Variants in ZNF700 observed in about 807,000 individuals in gnomAD.
ZNF700 encodes the protein zinc finger protein 700.
ZNF700 carries 38 observed loss-of-function variants against 65.3 expected under a neutral mutation model. That is an observed-to-expected ratio of 0.58 (90% CI 0.45 to 0.76). The LOEUF is 0.76. ZNF700 is among the 30% of genes least tolerant of loss of function. The probability of loss-of-function intolerance (pLI) is 0.00; values close to 1 mark genes in which losing one functional copy is unlikely to be tolerated. For synonymous variants in ZNF700, 285 were observed against 290.4 expected (o/e 0.98, Z 0.19); for missense variants, 857 against 888.4 (o/e 0.96, Z 0.45).
chr19:11,937,433 C>T (rs143817624), intron 1 of ZNF700, among the ~76,000 whole-genome samples: 1 of 151,432 alleles, frequency 6.6e-6, no homozygotes. Flanking sequence ...CTGCCTTGGC[C>T]TCTGGTTTTG....
rs540222329 is a variant in ZNF700, at chr19:11,945,610, C to T, written c.64-1571C>T. ...TCTGTAGGTACGGGGGTTTGGTTGA[C>T]TGCCAGCCCTGGAGGGTTGTCTTCT... On this transcript the variant is annotated intron_variant, in intron 1 of 3. Coordinates refer to ENST00000254321, the MANE Select transcript of ZNF700 (RefSeq NM_144566.3). Among the ~76,000 whole-genome samples the T allele has an allele frequency of 4.3e-4, 65 of 152,274 alleles. 1 individual carries two copies. In the South Asian group the frequency reaches 0.013, roughly 31 times the overall value.
At position 11,931,481 on chromosome 19, in the gene ZNF700, GA is replaced by G. The variant is rs1038516502; in HGVS notation, c.63+6209del. Among the ~76,000 whole-genome samples the G allele has an allele frequency of 4.7e-5, 7 of 148,248 alleles. 1 individual carries two copies. The highest frequency in any genetic ancestry group is 1.0e-4 in the Non-Finnish European group (7 of 67,922). ...TATTGGGAGTAGGTTATTAATGTAT[GA>G]TTTTTTTGGATTGATGCAAATATTC... is the stretch of plus-strand genomic sequence containing the variant. On this transcript the variant is annotated intron_variant, in intron 1 of 3. Transcript: ENST00000254321.
chr19:11,927,892 T>TA (rs1175001710), intron 1 of ZNF700, among the ~76,000 whole-genome samples: 1 of 152,178 alleles, frequency 6.6e-6, no homozygotes, highest in Non-Finnish European at 1.5e-5. Context: ...AAATTGGTGT[T>TA]ACTCTGGCTC....
At chr19:11,934,426 G>T (rs1972758923) in intron 1 of ZNF700, among the ~76,000 whole-genome samples, 1 of 148,450 alleles carries the variant, frequency 6.7e-6, no homozygotes, top group Non-Finnish European at 1.5e-5. Context: ...AGTGTTCATT[G>T]TCATTGGCAT....
rs530970012 is a variant in ZNF700, at chr19:11,942,307, C to A, written c.64-4874C>A. On this transcript the variant is annotated intron_variant, in intron 1 of 3. Transcript: ENST00000254321. Reference sequence around the variant, plus strand: ...GTCATCAAAGATTACACTTTGGGAACAGGCATTTTCAAGGAAACACAGCCT... The same window carrying A: ...GTCATCAAAGATTACACTTTGGGAAAAGGCATTTTCAAGGAAACACAGCCT... Among the ~76,000 whole-genome samples the A allele has an allele frequency of 1.7e-3, 254 of 151,886 alleles. 3 individuals are homozygous for A. The highest frequency in any genetic ancestry group is 5.8e-3 in the African/African-American group (239 of 41,374).
In ZNF700 at chr19:11,938,235, AT is replaced by A. The variant is rs200212043; in HGVS notation, c.64-8937del. The stretch of plus-strand genomic sequence containing the variant: ...AGGTACACACCACCACACCTGGCTG[AT>A]TTTTTTTTAATATTATATTTTAAGT... On this transcript the variant is annotated intron_variant, in intron 1 of 3. Coordinates refer to ENST00000254321, the MANE Select transcript of ZNF700 (RefSeq NM_144566.3). Among the ~76,000 whole-genome samples the A allele has an allele frequency of 6.9e-4, 105 of 151,438 alleles. 1 individual carries two copies. The South Asian group carries it at 0.021, about 30-fold the overall frequency.
intron 1 of ZNF700, among the ~76,000 whole-genome samples, chr19:11,935,063 G>C (rs1972770736): frequency 6.9e-6 from 1 of 144,310 alleles, no homozygotes; most frequent in Non-Finnish European, 1.5e-5. Flanking sequence ...TATAGTCCCA[G>C]CTACTGGGAG....
chr19:11,930,392 T>C lies in ZNF700; in HGVS notation c.63+5119T>C, dbSNP rs1264374170. ...CCAGAATGCAGTTGTGGAACAAATA[T>C]ATGTGAGTTGACCACATGGAGGAAC... On this transcript the variant is annotated intron_variant, in intron 1 of 3. Coordinates refer to ENST00000254321, the MANE Select transcript of ZNF700 (RefSeq NM_144566.3). Among the ~76,000 whole-genome samples, 4 of 148,496 alleles carry C rather than the reference T, an allele frequency of 2.7e-5. 1 individual carries two copies. The highest frequency in any genetic ancestry group is 1.0e-4 in the African/African-American group (4 of 38,120).
Position 11,949,630 on chromosome 19 carries a change from T to C in ZNF700, c.1606T>C (p.Tyr536His), listed in dbSNP as rs767538907. 1.9e-6 allele frequency: 3 copies of C among 1,613,830 alleles called. No individual in the cohort carries two copies. Among genetic ancestry groups the C allele is most frequent in the Non-Finnish European group, 2.5e-6 (3 of 1,179,972 alleles). ...AAAAACTCACACTGGAGAGAAACCC[T>C]ATGAATGCAACCAATGTGGTAAAGC... Reference protein sequence around the residue: ...HEKTHTGEKPYECNQCGKAFR... With the variant: ...HEKTHTGEKPHECNQCGKAFR... The change falls in exon 4 of 4, where the codon TAT becomes CAT. Residue 536 changes from tyrosine to histidine, a missense_variant. Physicochemically the swap from Tyr to His is moderately conservative, Grantham distance 83 (BLOSUM62 2). Transcript: ENST00000254321.
intron 1 of ZNF700, chr19:11,946,964 G>A: frequency 1.1e-6 from 1 of 921,064 alleles, no homozygotes; most frequent in South Asian, 2.3e-5. Flanking sequence ...CTCCAGCCTG[G>A]GCAACAAGAG....
At chr19:11,926,169 GAC>G (rs1189438670) in intron 1 of ZNF700, among the ~76,000 whole-genome samples, 2 of 152,200 alleles carry the variant, frequency 1.3e-5, no homozygotes, top group Non-Finnish European at 2.9e-5. Context: ...TCTGAGGCGT[GAC>G]TTTACTTTTG....
At chr19:11,943,974 T>C (rs279257) in intron 1 of ZNF700, among the ~76,000 whole-genome samples, 26,163 of 151,890 alleles carry the variant, frequency 0.17, 4,784 homozygotes, top group African/African-American at 0.47. Flanking sequence ...AGGTTTTACA[T>C]GACTGTGGTG....
intron 1 of ZNF700, among the ~76,000 whole-genome samples, chr19:11,943,300 A>G (rs1443861252): frequency 6.6e-6 from 1 of 152,104 alleles, no homozygotes; most frequent in Non-Finnish European, 1.5e-5. Context: ...GGTTAGGTTA[A>G]ATTTTCCATA....
At position 11,925,159 on chromosome 19, in the gene ZNF700, G is replaced by A. The variant is rs950798682; in HGVS notation, c.-52G>A. On this transcript the variant is annotated 5_prime_UTR_variant, in exon 1 of 4. Coordinates refer to ENST00000254321, the MANE Select transcript of ZNF700 (RefSeq NM_144566.3). ...GGTTGGTAACCGGTCAGACCAGCCC[G>A]AGAGGGACCTGGTGCCTGTACCCAG... The A allele has an allele frequency of 7.5e-6, 12 of 1,601,636 alleles. No homozygotes were observed. In the African/African-American group the frequency reaches 1.6e-4, roughly 21 times the overall value.
Position 11,949,253 on chromosome 19 carries a change from G to C in ZNF700, c.1229G>C (p.Arg410Thr). ...TCCAGTTCCTTTCGATATCATGAAA[G>C]GATTCACACTGGAGAGAAACCCTAT... ...NLSSSFRYHE[R>T]IHTGEKPYEC... is the part of the protein sequence containing the mutation. Residue 410 changes from arginine to threonine, a missense_variant, in exon 4 of 4, where the codon AGG becomes ACG. Around this residue, in one of 3 missense-constraint regions of ZNF700, gnomAD observed 603 missense variants for 619.9 expected, o/e 0.97. Coordinates refer to ENST00000254321, the MANE Select transcript of ZNF700 (RefSeq NM_144566.3). 6.2e-7 allele frequency: 1 copy of C among 1,614,062 alleles called. No homozygotes were observed.
At chr19:11,936,442 T>C (rs1426522748) in intron 1 of ZNF700, among the ~76,000 whole-genome samples, 3 of 152,254 alleles carry the variant, frequency 2.0e-5, no homozygotes, top group Non-Finnish European at 2.9e-5. Context: ...TGACCAGTGT[T>C]GATGAGCATT....
intron 1 of ZNF700, among the ~76,000 whole-genome samples, chr19:11,939,284 G>A (rs995681020): frequency 2.0e-5 from 3 of 152,232 alleles, no homozygotes; most frequent in Non-Finnish European, 2.9e-5. Flanking sequence ...TGGTGTTTTA[G>A]TGATGAAGTC....
intron 1 of ZNF700, among the ~76,000 whole-genome samples, chr19:11,933,583 C>T (rs1412302756): frequency 1.4e-5 from 2 of 147,726 alleles, no homozygotes; most frequent in Non-Finnish European, 1.5e-5. Context: ...GTTCCTGCCT[C>T]GGTTTTGCAT....
chr19:11,938,912 G>A (rs893261576), intron 1 of ZNF700, among the ~76,000 whole-genome samples: 9 of 152,176 alleles, frequency 5.9e-5, no homozygotes, highest in African/African-American at 2.2e-4. Flanking sequence ...TTTAATGATT[G>A]CCATTCTAAC....
Sources: gnomAD v4.1 joint callset for allele counts (sites outside exome capture counted in the v4.1 genomes callset) on GRCh38, gnomAD v4.1.1 for gene constraint, gnomAD v4.1.1 regional missense constraint, MANE v1.5 for transcripts, NCBI Gene and HGNC (gene_info 2026-07-23, HGNC 2026-07-21) for gene names.